The following HLF variants were observed in gnomAD, a reference collection of about 807,000 sequenced individuals.
The protein encoded by HLF is hepatic leukemia factor.
HLF carries 3 observed loss-of-function variants against 22.6 expected under a neutral mutation model. The ratio of observed to expected loss-of-function variants is 0.13; its 90% CI spans 0.06 to 0.34. The LOEUF is 0.34. HLF is among the 10% of genes least tolerant of loss of function. The probability of loss-of-function intolerance (pLI) is 1.00; values close to 1 mark genes in which losing one functional copy is unlikely to be tolerated. For missense variants in HLF, 299 were observed against 389.2 expected, an observed-to-expected ratio of 0.77 and a Z score of 1.95; for synonymous variants, 151 against 151.8, an observed-to-expected ratio of 0.99 and a Z score of 0.04.
chr17:55,304,274 G>A (rs957942831), intron 2 of HLF, among the ~76,000 whole-genome samples: 2 of 152,168 alleles, frequency 1.3e-5, no homozygotes, highest in East Asian at 3.9e-4. Flanking sequence ...GCCACACGGT[G>A]ACCCCACATG....
chr17:55,322,201 C>T lies in HLF; in HGVS notation c.*1322C>T. 5.0e-6 allele frequency: 1 copy of T among 201,156 alleles called. No homozygotes were observed. The highest frequency in any genetic ancestry group is 6.0e-5 in the Admixed American group (1 of 16,700). The allele number at this position is 201,156 out of a possible 1,614,324, so 12.5% of individuals were successfully genotyped here. ...ATGAATGTAAAAGACACTGGTGTAT[C>T]TCAGAAGGGGATGGTGTTGTCACAA... On this transcript the variant is annotated 3_prime_UTR_variant, in exon 4 of 4. Coordinates refer to ENST00000226067, the MANE Select transcript of HLF (RefSeq NM_002126.5).
chr17:55,291,794 G>C (rs1598398160), intron 2 of HLF, among the ~76,000 whole-genome samples: 1 of 152,168 alleles, frequency 6.6e-6, no homozygotes, highest in African/African-American at 2.4e-5. Flanking sequence ...CACCACTCTA[G>C]AAGCCGTTAA....
At chr17:55,270,432 C>T (rs1488370389) in intron 2 of HLF, among the ~76,000 whole-genome samples, 1 of 152,068 alleles carries the variant, frequency 6.6e-6, no homozygotes, top group East Asian at 1.9e-4. Context: ...GAGATGTTGG[C>T]CTGATGGATG....
chr17:55,300,599 C>T (rs1477284684), intron 2 of HLF, among the ~76,000 whole-genome samples: 1 of 152,198 alleles, frequency 6.6e-6, no homozygotes, highest in Non-Finnish European at 1.5e-5. Context: ...GTCAACACCT[C>T]CTTTGCAGGT....
intron 2 of HLF, among the ~76,000 whole-genome samples, chr17:55,269,641 G>T (rs1029236083): frequency 6.6e-6 from 1 of 152,168 alleles, no homozygotes; most frequent in Non-Finnish European, 1.5e-5. Context: ...ATTTGATTGA[G>T]TTATTGTGAA....
chr17:55,273,880 T>C (rs920834936), intron 2 of HLF, among the ~76,000 whole-genome samples: 3 of 152,002 alleles, frequency 2.0e-5, no homozygotes, highest in South Asian at 4.2e-4. Context: ...GCAGTTCAGA[T>C]GCCAGGGAAA....
intron 3 of HLF, chr17:55,319,176 T>C (rs1466067272): frequency 6.6e-6 from 1 of 152,260 alleles, no homozygotes; most frequent in African/African-American, 2.4e-5. Flanking sequence ...ATAGGAGGTA[T>C]CTACACAGTT....
intron 2 of HLF, among the ~76,000 whole-genome samples, chr17:55,276,722 A>G (rs1217205136): frequency 2.0e-5 from 3 of 152,304 alleles, no homozygotes; most frequent in East Asian, 1.9e-4. Context: ...CAGGCTGACA[A>G]CTTCATGAGT....
intron 2 of HLF, among the ~76,000 whole-genome samples, chr17:55,279,847 C>G (rs992898895): frequency 6.6e-6 from 1 of 152,110 alleles, no homozygotes; most frequent in Non-Finnish European, 1.5e-5. Flanking sequence ...CCCCCCACCA[C>G]TCAATTTTCA....
At chr17:55,278,197 G>C (rs368826324) in intron 2 of HLF, among the ~76,000 whole-genome samples, 1 of 152,172 alleles carries the variant, frequency 6.6e-6, no homozygotes, top group African/African-American at 2.4e-5. Flanking sequence ...GGAGACCCTA[G>C]ATTCCTAAAA....
In HLF at chr17:55,291,688, A is replaced by G. The variant is rs557753402; in HGVS notation, c.452-23539A>G. 1.1e-3 allele frequency among the ~76,000 whole-genome samples: 163 copies of G among 152,362 alleles called. 1 individual carries two copies. The highest frequency in any genetic ancestry group is 3.8e-3 in the African/African-American group (160 of 41,586). ...ATAATTTTGACTGTCAAATCTCATT[A>G]CTTAAGAAATTTACTTTTTAAGACA... On this transcript the variant is annotated intron_variant, in intron 2 of 3. Coordinates refer to ENST00000226067, the MANE Select transcript of HLF (RefSeq NM_002126.5).
rs567344454 is a variant in HLF, at chr17:55,322,116, G to A, written c.*1237G>A. 9.7e-6 allele frequency: 2 copies of A among 206,390 alleles called. No individual in the cohort carries two copies. Among genetic ancestry groups the A allele is most frequent in the South Asian group, 1.9e-4 (1 of 5,276 alleles). The allele number at this position is 206,390 out of a possible 1,614,324, so 12.8% of individuals were successfully genotyped here. A position where few individuals can be genotyped will look rare whatever the true frequency, so the allele number is the denominator to read the frequency against. ...ATAAATTAATGATTCTGAAGCTTAT[G>A]TTTCTTATTCTCTGTTTGCTTTTGA... On this transcript the variant is annotated 3_prime_UTR_variant, in exon 4 of 4. Coordinates refer to ENST00000226067, the MANE Select transcript of HLF (RefSeq NM_002126.5).
chr17:55,284,347 G>A (rs780229285), intron 2 of HLF, among the ~76,000 whole-genome samples: 11 of 152,200 alleles, frequency 7.2e-5, no homozygotes, highest in Non-Finnish European at 1.6e-4. Flanking sequence ...TTAAACATTG[G>A]CTATAGGGAT....
intron 2 of HLF, among the ~76,000 whole-genome samples, chr17:55,304,435 C>A (rs4793788): frequency 0.69 from 104,707 of 152,118 alleles, 36,640 homozygotes; most frequent in African/African-American, 0.81. Context: ...GACTTCTAAC[C>A]GGCTGTGGTT....
At chr17:55,307,806 C>G (rs551276135) in intron 2 of HLF, among the ~76,000 whole-genome samples, 1 of 141,168 alleles carries the variant, frequency 7.1e-6, no homozygotes, top group African/African-American at 2.7e-5. Context: ...TAAAAAAGAT[C>G]GTTTGGGATG....
In HLF at chr17:55,320,795, C is replaced by T; in HGVS notation, c.804C>T (p.Arg268=). 2.5e-6 allele frequency: 4 copies of T among 1,613,928 alleles called. No homozygotes were observed. The highest frequency in any genetic ancestry group is 3.4e-6 in the Non-Finnish European group (4 of 1,179,938). The stretch of plus-strand genomic sequence containing the variant: ...TGGAGAAGGAGAACTCGGCCCTCCG[C>T]CAGGAGGTGGCTGACTTGAGGAAGG... The part of the protein sequence containing the change: ...SFLEKENSAL[R]QEVADLRKEL... The change falls in exon 4 of 4, where the codon CGC becomes CGT. Residue 268 remains arginine (R), a synonymous_variant. Coordinates refer to ENST00000226067, the MANE Select transcript of HLF (RefSeq NM_002126.5). This position sits in a 1 kb window ranked among gnomAD's most constrained non-coding sequence, Gnocchi z 4.2.
chr17:55,291,651 A>G (rs116767367), intron 2 of HLF, among the ~76,000 whole-genome samples: 2,956 of 152,316 alleles, frequency 0.019, 95 homozygotes, highest in African/African-American at 0.067. Flanking sequence ...TCTTCAGCCT[A>G]TGGATCAAGG....
intron 3 of HLF, among the ~76,000 whole-genome samples, chr17:55,318,420 T>G (rs1328071951): frequency 6.6e-6 from 1 of 152,160 alleles, no homozygotes; most frequent in Non-Finnish European, 1.5e-5. Context: ...CAGGTGAGGC[T>G]GGGAAATGAG....
At chr17:55,282,673 C>G (rs1283086819) in intron 2 of HLF, among the ~76,000 whole-genome samples, 1 of 152,164 alleles carries the variant, frequency 6.6e-6, no homozygotes, top group Non-Finnish European at 1.5e-5. Flanking sequence ...CCTAATTTTT[C>G]TTGTCTATAA....
Sources: allele counts gnomAD v4.1 joint callset (sites outside exome capture counted in the v4.1 genomes callset), GRCh38; gene constraint gnomAD v4.1.1; non-coding constraint Gnocchi (gnomAD v3.1); transcripts MANE v1.5; gene names NCBI Gene and HGNC (gene_info 2026-07-23, HGNC 2026-07-21).